Variants in HDAC9 observed in about 807,000 individuals in gnomAD.
HDAC9 encodes histone deacetylase 9.
HDAC9 carries 41 observed loss-of-function variants against 139.4 expected under a neutral mutation model. The ratio of observed to expected loss-of-function variants is 0.29; its 90% confidence interval spans 0.23 to 0.38. The LOEUF is 0.38. HDAC9 is among the 10% of genes least tolerant of loss of function. HDAC9 has a pLI of 1.00. For missense variants in HDAC9, 1,147 were observed against 1,297.0 expected, an observed-to-expected ratio of 0.88 and a Z score of 1.78; for synonymous variants, 517 against 476.2, an observed-to-expected ratio of 1.09 and a Z score of -1.12.
At chr7:18,549,377 A>G (rs919131763) in intron 2 of HDAC9, among the ~76,000 whole-genome samples, 12 of 152,236 alleles carry the variant, frequency 7.9e-5, no homozygotes, top group African/African-American at 2.9e-4. Context: ...TTCATTTGAA[A>G]TAACTCAAAA....
At chr7:18,982,578 A>G (rs1236991890) in intron 25 of HDAC9, among the ~76,000 whole-genome samples, 1 of 152,126 alleles carries the variant, frequency 6.6e-6, no homozygotes, top group Non-Finnish European at 1.5e-5. Flanking sequence ...CACCACCCAG[A>G]ACAAGTTCAA....
At chr7:18,174,464 G>A (rs1279747631) in intron 2 of HDAC9, among the ~76,000 whole-genome samples, 1 of 152,196 alleles carries the variant, frequency 6.6e-6, no homozygotes, top group Non-Finnish European at 1.5e-5. Context: ...GCTCATCAAA[G>A]TCATTCTCCG....
intron 25 of HDAC9, among the ~76,000 whole-genome samples, chr7:18,977,318 A>G (rs1475113944): frequency 6.6e-6 from 1 of 152,202 alleles, no homozygotes; most frequent in Non-Finnish European, 1.5e-5. Flanking sequence ...GAGAGCCATA[A>G]AACTGAGGAA....
chr7:18,458,006 G>A (rs1586048625), intron 1 of HDAC9, among the ~76,000 whole-genome samples: 1 of 152,094 alleles, frequency 6.6e-6, no homozygotes, highest in Non-Finnish European at 1.5e-5. Context: ...GGCCATACAC[G>A]CCTCAGATGG....
At chr7:18,469,975 G>A (rs867534439) in intron 1 of HDAC9, among the ~76,000 whole-genome samples, 1 of 152,090 alleles carries the variant, frequency 6.6e-6, no homozygotes, top group Non-Finnish European at 1.5e-5. Flanking sequence ...TGATCTCTGT[G>A]CATAGCTTAT....
chr7:18,285,310 G>C (rs988148929), intron 2 of HDAC9, among the ~76,000 whole-genome samples: 1 of 151,928 alleles, frequency 6.6e-6, no homozygotes, highest in African/African-American at 2.4e-5. Context: ...ATGATTTGTA[G>C]AAATTTTTAT....
intron 17 of HDAC9, among the ~76,000 whole-genome samples, chr7:18,822,184 G>C (rs1795025534): frequency 6.6e-6 from 1 of 152,130 alleles, no homozygotes; most frequent in Non-Finnish European, 1.5e-5. Flanking sequence ...GGGCTGTGGG[G>C]ATAAATATTT....
chr7:18,583,787 A>G (rs1828571029), intron 2 of HDAC9, among the ~76,000 whole-genome samples: 1 of 152,092 alleles, frequency 6.6e-6, no homozygotes, highest in Non-Finnish European at 1.5e-5. Flanking sequence ...TTTTCAGTTA[A>G]CAGTTATTTC....
intron 15 of HDAC9, among the ~76,000 whole-genome samples, chr7:18,763,375 G>A (rs1789553227): frequency 6.6e-6 from 1 of 152,304 alleles, no homozygotes; most frequent in South Asian, 2.1e-4. Flanking sequence ...CATGCGTGTA[G>A]CAGTATAGGT....
chr7:18,985,360 T>A (rs553453355), intron 25 of HDAC9, among the ~76,000 whole-genome samples: 29 of 152,246 alleles, frequency 1.9e-4, no homozygotes, highest in Admixed American at 1.2e-3. Context: ...GAGAATGATG[T>A]TTTCCAATTT....
In HDAC9 at chr7:18,547,876, C is replaced by CCTCCCTCT. The variant is rs1199432732; in HGVS notation, c.23-37382_23-37375dup. The stretch of plus-strand genomic sequence containing the variant: ...CCTTCCTACCCTCCCTCCCTCCCTC[C>CCTCCCTCT]CTCCCTCTCTCCCTCTCTCCCTCTC... On this transcript the variant is annotated intron_variant, in intron 2 of 25. Transcript: ENST00000686413. Among the ~76,000 whole-genome samples the CCTCCCTCT allele has an allele frequency of 2.5e-3, 334 of 132,030 alleles. 2 individuals carry two copies. The highest frequency in any genetic ancestry group is 3.6e-3 in the Middle Eastern group (1 of 276). 86.6% of individuals were successfully genotyped at this position (132,030 alleles called of 152,430 possible). A position where few individuals can be genotyped will look rare whatever the true frequency, so the allele number is the denominator to read the frequency against.
At chr7:18,931,504 C>T (rs1804740076) in intron 22 of HDAC9, among the ~76,000 whole-genome samples, 1 of 152,080 alleles carries the variant, frequency 6.6e-6, no homozygotes, top group South Asian at 2.1e-4. Flanking sequence ...AATTTGACTT[C>T]CATCCAAATA....
At chr7:18,860,226 G>A (rs754854351) in intron 21 of HDAC9, among the ~76,000 whole-genome samples, 18 of 151,960 alleles carry the variant, frequency 1.2e-4, no homozygotes, top group Non-Finnish European at 2.4e-4. Context: ...TCCCTCTGGA[G>A]GGGAAATTTA....
chr7:18,703,191 C>A (rs1314050577), intron 12 of HDAC9, among the ~76,000 whole-genome samples: 1 of 152,022 alleles, frequency 6.6e-6, no homozygotes, highest in Non-Finnish European at 1.5e-5. Flanking sequence ...AAACACGATT[C>A]TTATTTTTAA....
intron 2 of HDAC9, among the ~76,000 whole-genome samples, chr7:18,546,070 C>T (rs1338045114): frequency 7.2e-5 from 11 of 152,216 alleles, no homozygotes; most frequent in Middle Eastern, 3.4e-3. Flanking sequence ...AATATGTGAA[C>T]GGGAGTAATT....
At chr7:18,258,452 C>T (rs777612565) in intron 2 of HDAC9, among the ~76,000 whole-genome samples, 12 of 152,184 alleles carry the variant, frequency 7.9e-5, no homozygotes, top group Middle Eastern at 3.4e-3. Flanking sequence ...GTACACTGTA[C>T]CCAGTGTGTA....
intron 2 of HDAC9, among the ~76,000 whole-genome samples, chr7:18,215,839 A>G (rs1001740788): frequency 6.6e-6 from 1 of 152,156 alleles, no homozygotes; most frequent in African/African-American, 2.4e-5. Flanking sequence ...CACCATTGGC[A>G]TATTCCAAGC....
At chr7:18,973,778 G>C (rs182050345) in intron 24 of HDAC9, among the ~76,000 whole-genome samples, 315 of 152,258 alleles carry the variant, frequency 2.1e-3, no homozygotes, top group Middle Eastern at 6.8e-3. Flanking sequence ...TTCTCGTTTC[G>C]ATTCTGTTAC....
intron 16 of HDAC9, among the ~76,000 whole-genome samples, chr7:18,772,892 T>C (rs539437182): frequency 3.3e-5 from 5 of 152,198 alleles, no homozygotes; most frequent in African/African-American, 9.6e-5. Context: ...GGGAATTCCT[T>C]CTAAATTGCA....
Sources: allele counts gnomAD v4.1 joint callset (sites outside exome capture counted in the v4.1 genomes callset), GRCh38; gene constraint gnomAD v4.1.1; transcripts MANE v1.5; gene names NCBI Gene and HGNC (gene_info 2026-07-23, HGNC 2026-07-21).